The following KIAA0319 variants were observed in gnomAD, a reference collection of about 807,000 sequenced individuals.
KIAA0319 encodes KIAA0319.
KIAA0319 carries 83 observed loss-of-function variants against 108.4 expected under a neutral mutation model. That is an observed-to-expected ratio of 0.77 (90% CI 0.64 to 0.92). KIAA0319 has a LOEUF of 0.92. Among genes scored for constraint, KIAA0319 ranks in the 40% least tolerant of loss-of-function variants. The probability of loss-of-function intolerance (pLI) is 0.00; values close to 1 mark genes in which losing one functional copy is unlikely to be tolerated. For missense variants in KIAA0319, 1,195 were observed against 1,322.4 expected, an observed-to-expected ratio of 0.90 and a Z score of 1.49; for synonymous variants, 484 against 510.4, an observed-to-expected ratio of 0.95 and a Z score of 0.70.
intron 1 of KIAA0319, among the ~76,000 whole-genome samples, chr6:24,608,465 T>C (rs1308941678): frequency 6.6e-6 from 1 of 151,992 alleles, no homozygotes; most frequent in African/African-American, 2.4e-5. Context: ...AAGGCCAAAA[T>C]TTTTTGAAAA....
rs1373778783 is a variant in KIAA0319 at position 24,631,303 on chromosome 6, G to C, written c.-106+14433C>G. ...TGCAGGCCATGGGTCTACCTCCTGA[G>C]CACCTCTCCAGGAGTCACAGAAACA... On this transcript the variant is annotated intron_variant, in intron 1 of 20. Transcript: ENST00000378214. 2.0e-5 allele frequency among the ~76,000 whole-genome samples: 3 copies of C among 152,200 alleles called. No individual in the cohort carries two copies. In the East Asian group the frequency reaches 5.8e-4, roughly 29 times the overall value.
chr6:24,571,778 GACTA>G (rs776856605), intron 11 of KIAA0319, among the ~76,000 whole-genome samples: 18 of 152,058 alleles, frequency 1.2e-4, no homozygotes, highest in Non-Finnish European at 1.9e-4. Context: ...ATTCTTCACC[GACTA>G]ACTGTGACTT....
At chr6:24,637,543 C>A (rs376180402) in intron 1 of KIAA0319, among the ~76,000 whole-genome samples, 12 of 152,178 alleles carry the variant, frequency 7.9e-5, no homozygotes, top group African/African-American at 2.2e-4. Flanking sequence ...ACCCTCAGTT[C>A]TTTGGGGATG....
Position 24,624,025 on chromosome 6 carries a change from T to C in KIAA0319, c.-106+21711A>G, listed in dbSNP as rs1362329295. Among the ~76,000 whole-genome samples, 672 of 139,378 alleles carry C rather than the reference T, an allele frequency of 4.8e-3. 13 individuals are homozygous for C. Among genetic ancestry groups the C allele is most frequent in the African/African-American group, 0.016 (612 of 37,360 alleles). 91.4% of individuals were successfully genotyped at this position (139,378 alleles called of 152,430 possible). A position where few individuals can be genotyped will look rare whatever the true frequency, so the allele number is the denominator to read the frequency against. ...TTGAATTTCTTTGTTTTCTTTTTTTTTTTTTTTTTTTTTTTTTTAGACAAG... is the reference window on the plus strand; with the variant it reads ...TTGAATTTCTTTGTTTTCTTTTTTTCTTTTTTTTTTTTTTTTTTAGACAAG... On this transcript the variant is annotated intron_variant, in intron 1 of 20. Transcript: ENST00000378214.
At chr6:24,643,149 T>C (rs1777181491) in intron 1 of KIAA0319, among the ~76,000 whole-genome samples, 1 of 152,248 alleles carries the variant, frequency 6.6e-6, no homozygotes, top group African/African-American at 2.4e-5. Flanking sequence ...TAAGCAGCTC[T>C]ACTTTAAAAC....
intron 18 of KIAA0319, 116 bp from the exon 19 acceptor site, chr6:24,554,747 G>A: frequency 4.1e-6 from 3 of 728,714 alleles, no homozygotes; most frequent in Non-Finnish European, 7.2e-6. Flanking sequence ...CACCTGTGGA[G>A]TTGATAACAT....
chr6:24,554,511 C>G (rs1212851352), intron 19 of KIAA0319, 30 bp downstream of exon 19: 14 of 1,513,320 alleles, frequency 9.3e-6, no homozygotes, highest in East Asian at 4.5e-5. Flanking sequence ...TGTAGGGTCT[C>G]TATTTCCCAG....
chr6:24,620,750 G>C (rs1358650834), intron 1 of KIAA0319, among the ~76,000 whole-genome samples: 3 of 152,170 alleles, frequency 2.0e-5, no homozygotes, highest in African/African-American at 7.2e-5. Context: ...CTGGAGGCTT[G>C]AAGGGAGTAT....
At chr6:24,558,121 A>G (rs928924889) in intron 17 of KIAA0319, among the ~76,000 whole-genome samples, 2 of 152,076 alleles carry the variant, frequency 1.3e-5, no homozygotes, top group Non-Finnish European at 2.9e-5. Context: ...AGCTAGAAAA[A>G]AAAAGGAGTT....
rs199929857 is a variant in KIAA0319, at chr6:24,605,942, CT to C, written c.-105-4735del. On this transcript the variant is annotated intron_variant, in intron 1 of 20. Coordinates refer to ENST00000378214, the MANE Select transcript of KIAA0319 (RefSeq NM_014809.4). ...CTGAGAGATGTTGGAATGGATGTTT[CT>C]TTTTTTTTTTGAGACAGAGTCTCAC... Among the ~76,000 whole-genome samples the C allele has an allele frequency of 4.9e-3, 717 of 147,156 alleles. 5 individuals carry two copies. Among genetic ancestry groups the C allele is most frequent in the African/African-American group, 0.016 (628 of 40,212 alleles).
chr6:24,617,255 C>CA (rs1486065314), intron 1 of KIAA0319, among the ~76,000 whole-genome samples: 2 of 151,510 alleles, frequency 1.3e-5, no homozygotes, highest in African/African-American at 4.9e-5. Context: ...ACAATGAAGG[C>CA]ATTTAAGTGA....
intron 12 of KIAA0319, among the ~76,000 whole-genome samples, chr6:24,569,213 C>G (rs1449632486): frequency 6.6e-6 from 1 of 152,110 alleles, no homozygotes; most frequent in Non-Finnish European, 1.5e-5. Flanking sequence ...GAAAATGAGC[C>G]TTAGAAACGA....
intron 1 of KIAA0319, among the ~76,000 whole-genome samples, chr6:24,621,037 C>T (rs1433731095): frequency 6.6e-6 from 1 of 152,236 alleles, no homozygotes; most frequent in Non-Finnish European, 1.5e-5. Context: ...ACACCTACTT[C>T]CCTTTTAGGG....
chr6:24,596,190 C>A lies in KIAA0319; in HGVS notation c.484G>T (p.Glu162Ter), dbSNP rs370956582. ...GGTTGCAAGAGGTCCTTCTCCAGCT[C>A]CCGGTAGTCATCTGAGTACTCAGAC... is the stretch of plus-strand genomic sequence containing the variant. ...EMSEYSDDYR[E>*]LEKDLLQPSG... is the part of the protein sequence containing the mutation. Residue 162 changes from glutamate (E) to a stop codon, truncating the protein, a stop_gained, in exon 3 of 21, where the codon GAG becomes TAG. Coordinates refer to ENST00000378214, the MANE Select transcript of KIAA0319 (RefSeq NM_014809.4). LOFTEE classifies it high-confidence loss of function. The A allele has an allele frequency of 3.1e-6, 5 of 1,614,178 alleles. No individual in the cohort carries two copies. Among genetic ancestry groups the A allele is most frequent in the Non-Finnish European group, 4.2e-6 (5 of 1,180,038 alleles).
intron 10 of KIAA0319, among the ~76,000 whole-genome samples, chr6:24,575,952 C>T (rs1765430370): frequency 6.6e-6 from 1 of 152,018 alleles, no homozygotes; most frequent in Admixed American, 6.6e-5. Context: ...CAAACAAGGT[C>T]CTAAAAAGCG....
chr6:24,553,718 C>A (rs922520650), intron 19 of KIAA0319, among the ~76,000 whole-genome samples: 1 of 152,144 alleles, frequency 6.6e-6, no homozygotes, highest in Non-Finnish European at 1.5e-5. Context: ...CACATCATAC[C>A]CTTTTTGTCC....
chr6:24,624,673 C>T (rs1774459748), intron 1 of KIAA0319, among the ~76,000 whole-genome samples: 2 of 152,210 alleles, frequency 1.3e-5, no homozygotes, highest in African/African-American at 4.8e-5. Context: ...CCCTCATCTC[C>T]TCTAGGGAAG....
intron 3 of KIAA0319, 94 bp downstream of exon 3, chr6:24,595,779 C>T: frequency 2.9e-6 from 4 of 1,397,550 alleles, no homozygotes; most frequent in Non-Finnish European, 3.9e-6. Context: ...GCTCATACAG[C>T]CTGAATGAGT....
At chr6:24,556,495 G>A (rs1762298977) in intron 18 of KIAA0319, 112 bp downstream of exon 18, 19 of 1,178,494 alleles carry the variant, frequency 1.6e-5, no homozygotes, top group Middle Eastern at 2.0e-4. Flanking sequence ...TAAAGGTGAA[G>A]TCTCACTATG....
Sources: gnomAD v4.1 joint callset for allele counts (sites outside exome capture counted in the v4.1 genomes callset) on GRCh38, gnomAD v4.1.1 for gene constraint, MANE v1.5 for transcripts, NCBI Gene and HGNC (gene_info 2026-07-23, HGNC 2026-07-21) for gene names.